Variants in HDHD2 observed in about 807,000 individuals in gnomAD.
HDHD2 encodes haloacid dehalogenase like hydrolase domain containing 2, also known as haloacid dehalogenase-like hydrolase domain-containing protein 2.
A neutral mutation model predicts 24.8 loss-of-function variants in HDHD2; 26 were observed. That is an observed-to-expected ratio of 1.05 (90% CI 0.77 to 1.45). The LOEUF (loss-of-function observed/expected upper bound fraction) is 1.45, where lower values mean the gene tolerates loss of function less well. HDHD2 is among the 40% of genes most tolerant of loss of function. The pLI is 0.00. For synonymous variants in HDHD2, 128 were observed against 114.9 expected, an observed-to-expected ratio of 1.11 and a Z score of -0.73; for missense variants, 299 against 313.4, an observed-to-expected ratio of 0.95 and a Z score of 0.35.
At chr18:47,139,640 C>G (rs2063802005) in intron 1 of HDHD2, among the ~76,000 whole-genome samples, 1 of 152,124 alleles carries the variant, frequency 6.6e-6, no homozygotes, top group Non-Finnish European at 1.5e-5. Flanking sequence ...GGACTCGTGA[C>G]TGGTGTCTGA....
chr18:47,110,256 T>C (rs2063504899), intron 6 of HDHD2: 2 of 985,312 alleles, frequency 2.0e-6, no homozygotes, highest in East Asian at 2.3e-4. Context: ...CTTATCTTAC[T>C]GATTATAACT....
chr18:47,111,068 C>T lies in HDHD2; in HGVS notation c.676+1909G>A, dbSNP rs8098855. ...TTTACCAATGAAGCTGGCTGTTCCA[C>T]ATGTTTTTAGAACAGTAGGGTTATT... On this transcript the variant is annotated intron_variant, in intron 6 of 6. Coordinates refer to ENST00000300605, the MANE Select transcript of HDHD2 (RefSeq NM_032124.5). 510 of 985,396 alleles carry T rather than the reference C, an allele frequency of 5.2e-4. 5 individuals are homozygous for T. The African/African-American group carries it at 8.4e-3, about 16-fold the overall frequency. 61.0% of individuals were successfully genotyped at this position (985,396 alleles called of 1,614,324 possible). A position where few individuals can be genotyped will look rare whatever the true frequency, so the allele number is the denominator to read the frequency against.
intron 6 of HDHD2, 67 bp from the exon 7 acceptor site, chr18:47,108,852 A>T: frequency 2.2e-6 from 2 of 897,280 alleles, no homozygotes; most frequent in Non-Finnish European, 3.7e-6. Context: ...ATACCCCATG[A>T]GCACCTGGGT....
chr18:47,115,348 C>A lies in HDHD2; in HGVS notation c.396G>T (p.Arg132=). The part of the protein sequence containing the change: ...FHYQILNQAF[R]LLLDGAPLIA... ...TCAGAGGTGCTCCATCCAGGAGTAACCTAGAGAGAACAACAACAAAAAAAA... is the reference window on the plus strand; with the variant it reads ...TCAGAGGTGCTCCATCCAGGAGTAAACTAGAGAGAACAACAACAAAAAAAA... The change falls in exon 5 of 7, where the codon CGG becomes CGT. Residue 132 remains arginine, a splice_region_variant and synonymous_variant. Transcript: ENST00000300605. The A allele has an allele frequency of 6.2e-7, 1 of 1,609,698 alleles. No individual in the cohort carries two copies. The highest frequency in any genetic ancestry group is 2.2e-5 in the East Asian group (1 of 44,842).
At chr18:47,145,373 A>G (rs930599431) in intron 1 of HDHD2, among the ~76,000 whole-genome samples, 1 of 152,256 alleles carries the variant, frequency 6.6e-6, no homozygotes, top group African/African-American at 2.4e-5. Flanking sequence ...ATCCAGACTT[A>G]CTTAATGAGG....
chr18:47,108,862 T>G, intron 6 of HDHD2, 77 bp from the exon 7 acceptor site: 1 of 806,948 alleles, frequency 1.2e-6, no homozygotes, highest in Non-Finnish European at 2.2e-6. Context: ...AGCACCTGGG[T>G]CATCACAGCA....
intron 1 of HDHD2, chr18:47,137,121 A>T: frequency 1.4e-6 from 1 of 730,514 alleles, no homozygotes; most frequent in Non-Finnish European, 2.6e-6. Context: ...TTTAAGATTA[A>T]GAGGCATACA....
intron 1 of HDHD2, among the ~76,000 whole-genome samples, chr18:47,141,209 A>T (rs1193428028): frequency 6.6e-6 from 1 of 152,210 alleles, no homozygotes; most frequent in Non-Finnish European, 1.5e-5. Flanking sequence ...TCTGTATCCA[A>T]TGAGATGATC....
intron 1 of HDHD2, among the ~76,000 whole-genome samples, chr18:47,145,779 A>G (rs1174883444): frequency 6.6e-6 from 1 of 152,260 alleles, no homozygotes; most frequent in Admixed American, 6.5e-5. Flanking sequence ...ACTATATTTC[A>G]AAAGCACCAC....
chr18:47,127,928 C>T lies in HDHD2; in HGVS notation c.395+2316G>A, dbSNP rs1056826221. Among the ~76,000 whole-genome samples, 54 of 152,138 alleles carry T rather than the reference C, an allele frequency of 3.5e-4. 1 individual carries two copies. The highest frequency in any genetic ancestry group is 7.4e-5 in the Non-Finnish European group (5 of 68,020). ...GGCTTTAAAATCCAATGTTTATTGT[C>T]ATTATCAGCCTAAACAGTAATTTAA... On this transcript the variant is annotated intron_variant, in intron 4 of 6. Transcript: ENST00000300605.
Position 47,108,565 on chromosome 18 carries a change from G to T in HDHD2, c.*117C>A. ...TTCTAATTAATGCACAACAAAAGAG[G>T]GTTAAAAAGCGATCAGCACTGACTG... On this transcript the variant is annotated 3_prime_UTR_variant, in exon 7 of 7. Transcript: ENST00000300605. 1.8e-6 allele frequency: 1 copy of T among 545,128 alleles called. No homozygotes were observed. The highest frequency in any genetic ancestry group is 3.2e-6 in the Non-Finnish European group (1 of 309,538). The allele number at this position is 545,128 out of a possible 1,614,324, so 33.8% of individuals were successfully genotyped here. A position where few individuals can be genotyped will look rare whatever the true frequency, so the allele number is the denominator to read the frequency against.
At chr18:47,124,716 A>C (rs1163509613) in intron 4 of HDHD2, among the ~76,000 whole-genome samples, 1 of 151,212 alleles carries the variant, frequency 6.6e-6, no homozygotes, top group East Asian at 1.9e-4. Flanking sequence ...CAAAAAAAAA[A>C]AAAAAAAAAA....
rs2063743957 is a variant in HDHD2, at chr18:47,134,489, C to T, written c.310+7G>A. On this transcript the variant is annotated splice_region_variant and intron_variant, in intron 3 of 6. Transcript: ENST00000300605. ...TCCAATCTTTAAATTTTCCAAATTT[C>T]CCCTACCTTTGAAATCAGGTAGTGC... The T allele has an allele frequency of 6.2e-7, 1 of 1,607,536 alleles. No homozygotes were observed. The highest frequency in any genetic ancestry group is 8.5e-7 in the Non-Finnish European group (1 of 1,174,820).
At chr18:47,126,417 TGGG>T (rs1172936624) in intron 4 of HDHD2, among the ~76,000 whole-genome samples, 2 of 151,996 alleles carry the variant, frequency 1.3e-5, no homozygotes, top group African/African-American at 4.8e-5. Flanking sequence ...AAGAAGGAGA[TGGG>T]GGAAAGCAAG....
At chr18:47,122,533 A>C (rs548592338) in intron 4 of HDHD2, among the ~76,000 whole-genome samples, 137 of 152,314 alleles carry the variant, frequency 9.0e-4, no homozygotes, top group African/African-American at 3.1e-3. Context: ...GAACCGCTAA[A>C]CTAAAGTAAT....
At chr18:47,149,280 G>C (rs915031627) in intron 1 of HDHD2, among the ~76,000 whole-genome samples, 5 of 152,162 alleles carry the variant, frequency 3.3e-5, no homozygotes, top group Non-Finnish European at 7.4e-5. Context: ...TACAACAAGA[G>C]ATTTTAATAC....
At chr18:47,131,455 C>G (rs997920532) in intron 3 of HDHD2, among the ~76,000 whole-genome samples, 2 of 152,162 alleles carry the variant, frequency 1.3e-5, no homozygotes, top group East Asian at 3.8e-4. Flanking sequence ...CAGACTCATA[C>G]CATGCCTGTC....
At chr18:47,149,936 C>G (rs565009079) in intron 1 of HDHD2, 47 of 152,730 alleles carry the variant, frequency 3.1e-4, no homozygotes, top group African/African-American at 1.1e-3. Flanking sequence ...AAGGCCCCAA[C>G]AACAAACTCT....
chr18:47,125,959 T>G (rs1399273066), intron 4 of HDHD2, among the ~76,000 whole-genome samples: 1 of 152,236 alleles, frequency 6.6e-6, no homozygotes, highest in Non-Finnish European at 1.5e-5. Flanking sequence ...TAGCAGGAGC[T>G]GCCTGCTAAA....
Sources: gnomAD v4.1 joint callset for allele counts (sites outside exome capture counted in the v4.1 genomes callset) on GRCh38, gnomAD v4.1.1 for gene constraint, MANE v1.5 for transcripts, NCBI Gene and HGNC (gene_info 2026-07-23, HGNC 2026-07-21) for gene names.